Variants in TMPRSS2 observed in about 807,000 individuals in gnomAD.
TMPRSS2 encodes the protein transmembrane protease serine 2.
A neutral mutation model predicts 67.4 loss-of-function variants in TMPRSS2; 59 were observed. The observed-to-expected ratio is 0.88, with a 90% CI of 0.71 to 1.09. The LOEUF is 1.09. TMPRSS2 is among the 50% of genes least tolerant of loss of function. TMPRSS2 has a pLI of 0.00. For missense variants in TMPRSS2, 668 were observed against 642.7 expected (o/e 1.04, Z -0.43); for synonymous variants, 257 against 257.0 (o/e 1.00, Z 0.00).
chr21:41,466,756 T>C (rs1285929061), intron 13 of TMPRSS2, among the ~76,000 whole-genome samples: 6 of 152,090 alleles, frequency 3.9e-5, no homozygotes, highest in Admixed American at 2.0e-4. Flanking sequence ...ATCTGGGAGA[T>C]TTGGGAGAAG....
In TMPRSS2 at chr21:41,483,307, TC is replaced by T. The variant is rs201627185; in HGVS notation, c.446-2706del. Among the ~76,000 whole-genome samples, 78 of 150,578 alleles carry T rather than the reference TC, an allele frequency of 5.2e-4. 1 individual carries two copies. Among genetic ancestry groups the T allele is most frequent in the Admixed American group, 2.5e-3 (38 of 15,084 alleles). ...AAATGAATACACTTCTTCTTCTTCT[TC>T]TTTTTTTTTCTTGTTCCCAGGCTGG... On this transcript the variant is annotated intron_variant, in intron 5 of 13. Transcript: ENST00000332149.
intron 5 of TMPRSS2, among the ~76,000 whole-genome samples, chr21:41,482,066 A>G (rs991393125): frequency 2.0e-5 from 3 of 152,082 alleles, no homozygotes; most frequent in African/African-American, 7.2e-5. Context: ...GTCTCAATAA[A>G]TAAATAAATA....
In TMPRSS2 at chr21:41,480,625, C is replaced by T. The variant is rs374531004; in HGVS notation, c.446-23G>A. The T allele has an allele frequency of 5.5e-5, 89 of 1,612,932 alleles. 1 individual carries two copies. The African/African-American group carries it at 9.7e-4, about 18-fold the overall frequency. ...GAACTGCACGAGAGGGAGGATTATC[C>T]ATGAGTTTCTTTCTTTTTTTTTCTT... On this transcript the variant is annotated intron_variant, in intron 5 of 13. Coordinates refer to ENST00000332149, the MANE Select transcript of TMPRSS2 (RefSeq NM_005656.4).
At chr21:41,507,484 C>CG (rs2091466282) in intron 1 of TMPRSS2, among the ~76,000 whole-genome samples, 1 of 152,186 alleles carries the variant, frequency 6.6e-6, no homozygotes, top group Non-Finnish European at 1.5e-5. Flanking sequence ...GCACCTCGCC[C>CG]GGGGGCCCTC....
chr21:41,466,191 T>A (rs760157432), intron 13 of TMPRSS2, 38 bp from the exon 14 acceptor site: 1 of 1,611,888 alleles, frequency 6.2e-7, no homozygotes, highest in Non-Finnish European at 8.5e-7. Flanking sequence ...GTTATTTTCT[T>A]AAGACAAACA....
intron 5 of TMPRSS2, among the ~76,000 whole-genome samples, chr21:41,484,891 A>C (rs2091284041): frequency 6.6e-6 from 1 of 152,210 alleles, no homozygotes; most frequent in African/African-American, 2.4e-5. Flanking sequence ...TCCCTAAGGA[A>C]TGCTGTCCAG....
Position 41,468,504 on chromosome 21 carries a change from C to T in TMPRSS2, c.1206G>A (p.Val402=), listed in dbSNP as rs2146421171. The part of the protein sequence containing the change: ...KTSEVLNAAK[V]LLIETQRCNS... ...TGCATCTCTGTGTCTCAATGAGAAGCACCTTGGCAGCGTTCAGCACTTCTG... is the reference window on the plus strand; with the variant it reads ...TGCATCTCTGTGTCTCAATGAGAAGTACCTTGGCAGCGTTCAGCACTTCTG... Residue 402 remains valine, a synonymous_variant, in exon 12 of 14, where the codon GTG becomes GTA. Transcript: ENST00000332149. 6.2e-7 allele frequency: 1 copy of T among 1,614,168 alleles called. No homozygotes were observed. The highest frequency in any genetic ancestry group is 8.5e-7 in the Non-Finnish European group (1 of 1,180,032).
intron 11 of TMPRSS2, 49 bp from the exon 12 acceptor site, chr21:41,468,587 G>T: frequency 6.2e-7 from 1 of 1,602,508 alleles, no homozygotes; most frequent in Non-Finnish European, 8.5e-7. Flanking sequence ...TGCAGCTCTC[G>T]CAGGGAGAGC....
chr21:41,484,048 G>A (rs541499151), intron 5 of TMPRSS2, among the ~76,000 whole-genome samples: 2 of 152,208 alleles, frequency 1.3e-5, no homozygotes, highest in South Asian at 4.2e-4. Context: ...GAGCCCAGGA[G>A]GTCGAGGCTG....
intron 8 of TMPRSS2, 89 bp downstream of exon 8, chr21:41,476,488 C>T (rs1352423456): frequency 2.0e-5 from 27 of 1,357,700 alleles, no homozygotes; most frequent in East Asian, 4.6e-5. Flanking sequence ...TTCCCTCCCA[C>T]GCCCCCAGAG....
In TMPRSS2 at chr21:41,479,181, A is replaced by G; in HGVS notation, c.674T>C (p.Leu225Pro). ...AGAAATTGCTGCATACCTGTGGTAC[A>G]GTTTTTTATAGATATCGACATTGCC... ...SAGNVDIYKK[L>P]YHSDACSSKA... is the part of the protein sequence containing the mutation. Residue 225 changes from leucine to proline, a missense_variant, in exon 7 of 14, where the codon CTG (leucine) becomes CCG (proline). Transcript: ENST00000332149. 6.2e-7 allele frequency: 1 copy of G among 1,613,550 alleles called. No homozygotes were observed. Among genetic ancestry groups the G allele is most frequent in the Non-Finnish European group, 8.5e-7 (1 of 1,179,660 alleles).
At chr21:41,488,590 G>C in intron 4 of TMPRSS2, 77 bp from the exon 5 acceptor site, 1 of 1,496,112 alleles carries the variant, frequency 6.7e-7, no homozygotes, top group Admixed American at 2.0e-5. Flanking sequence ...GAACACCGTG[G>C]CATTACTGTA....
At chr21:41,502,360 A>C (rs2091430132) in intron 1 of TMPRSS2, 1 of 982,524 alleles carries the variant, frequency 1.0e-6, no homozygotes, top group Non-Finnish European at 1.2e-6. Context: ...TCTGCAATGA[A>C]GTCTCCACTG....
intron 10 of TMPRSS2, among the ~76,000 whole-genome samples, chr21:41,471,029 G>T (rs186429734): frequency 6.6e-6 from 1 of 152,222 alleles, no homozygotes; most frequent in Non-Finnish European, 1.5e-5. Flanking sequence ...TGATCAAGAC[G>T]GGAAAGACAC....
intron 1 of TMPRSS2, among the ~76,000 whole-genome samples, chr21:41,507,337 A>G (rs2091464831): frequency 6.6e-6 from 1 of 151,934 alleles, no homozygotes; most frequent in Non-Finnish European, 1.5e-5. Flanking sequence ...CAAGCGGAGG[A>G]GCCAGACCGG....
intron 9 of TMPRSS2, 92 bp downstream of exon 9, chr21:41,473,233 C>G (rs374689537): frequency 1.4e-6 from 2 of 1,380,850 alleles, no homozygotes; most frequent in South Asian, 2.8e-5. Flanking sequence ...ACAAGGATGC[C>G]GGGGCTGCAA....
intron 11 of TMPRSS2, among the ~76,000 whole-genome samples, chr21:41,469,378 G>A (rs975026026): frequency 2.6e-5 from 4 of 151,796 alleles, no homozygotes; most frequent in Non-Finnish European, 2.9e-5. Context: ...CATCATCCTC[G>A]TCTCCATCCA....
At chr21:41,468,801 T>C (rs577217013) in intron 11 of TMPRSS2, 1 of 436,428 alleles carries the variant, frequency 2.3e-6, no homozygotes, top group South Asian at 4.0e-5. Context: ...ACTATAGGGC[T>C]CTATCAGTGC....
rs1353582463 is a variant in TMPRSS2 at position 41,489,494 on chromosome 21, T to C, written c.325+13A>G. The C allele has an allele frequency of 1.7e-5, 28 of 1,612,808 alleles. No homozygotes were observed. The highest frequency in any genetic ancestry group is 2.4e-5 in the Non-Finnish European group (28 of 1,179,126). On this transcript the variant is annotated intron_variant, in intron 4 of 13. Coordinates refer to ENST00000332149, the MANE Select transcript of TMPRSS2 (RefSeq NM_005656.4). ...CAGGAGCACATGGTGGGATCGAGGC[T>C]CCCTGCACTTACTGAACTTCCAGAG...
Sources: gnomAD v4.1 joint callset for allele counts (sites outside exome capture counted in the v4.1 genomes callset) on GRCh38, gnomAD v4.1.1 for gene constraint, MANE v1.5 for transcripts, NCBI Gene and HGNC (gene_info 2026-07-23, HGNC 2026-07-21) for gene names.